The following DNAH9 variants were observed in gnomAD, a reference collection of about 807,000 sequenced individuals.
The protein encoded by DNAH9 is DNAH9 variant protein.
DNAH9 carries 345 observed loss-of-function variants against 471.6 expected under a neutral mutation model. The ratio of observed to expected loss-of-function variants is 0.73; its 90% CI spans 0.67 to 0.80. The LOEUF (loss-of-function observed/expected upper bound fraction) is 0.80. Among genes scored for constraint, DNAH9 ranks in the 30% least tolerant of loss-of-function variants. The pLI is 0.00. For missense variants in DNAH9, 5,407 were observed against 5,609.2 expected, an observed-to-expected ratio of 0.96 and a Z score of 1.15; for synonymous variants, 2,093 against 2,123.6, an observed-to-expected ratio of 0.99 and a Z score of 0.40.
In DNAH9 at chr17:11,768,548, C is replaced by A; in HGVS notation, c.7266C>A (p.Ile2422=). ...PSQGTIFDYY[I]DPETKKFEPW... ...AAGGAACCATCTTTGACTATTACATCGACCCAGAGACCAAGAAATTCGAGC... is the reference window on the plus strand; with the variant it reads ...AAGGAACCATCTTTGACTATTACATAGACCCAGAGACCAAGAAATTCGAGC... The change falls in exon 37 of 69, where the codon ATC becomes ATA. Residue 2422 remains isoleucine (I), a synonymous_variant. Coordinates refer to ENST00000262442, the MANE Select transcript of DNAH9 (RefSeq NM_001372.4). The A allele has an allele frequency of 6.2e-7, 1 of 1,614,136 alleles. No individual in the cohort carries two copies. The highest frequency in any genetic ancestry group is 8.5e-7 in the Non-Finnish European group (1 of 1,180,040).
At chr17:11,931,620 C>T (rs1974511825) in intron 63 of DNAH9, among the ~76,000 whole-genome samples, 1 of 152,120 alleles carries the variant, frequency 6.6e-6, no homozygotes, top group Admixed American at 6.5e-5. Context: ...TAAGGTTCCA[C>T]AACAGGCAAG....
chr17:11,805,523 C>CTTTTTTTTTTTTTTTT (rs773842478), intron 43 of DNAH9, among the ~76,000 whole-genome samples: 1 of 52,092 alleles, frequency 1.9e-5, no homozygotes, highest in Non-Finnish European at 3.4e-5. Context: ...TACCCGAGTT[C>CTTTTTTTTTTTTTTTT]TTTTTTTTTT....
At chr17:11,938,757 C>G (rs979428989) in intron 66 of DNAH9, among the ~76,000 whole-genome samples, 1 of 151,854 alleles carries the variant, frequency 6.6e-6, no homozygotes, top group African/African-American at 2.4e-5. Flanking sequence ...TACCACCACG[C>G]CCTGCTAATT....
intron 27 of DNAH9, among the ~76,000 whole-genome samples, chr17:11,724,833 G>T (rs8065608): frequency 0.93 from 142,272 of 152,280 alleles, 67,194 homozygotes; most frequent in Non-Finnish European, 1. Flanking sequence ...ACTTTATTTC[G>T]ATTATTATTA....
chr17:11,828,490 G>A (rs558256854), intron 48 of DNAH9, among the ~76,000 whole-genome samples: 2,006 of 97,434 alleles, frequency 0.021, 33 homozygotes, highest in Non-Finnish European at 0.034. Flanking sequence ...AAAAAAAATA[G>A]TGCCCGAACA....
At chr17:11,650,538 G>C (rs1300953295) in intron 12 of DNAH9, among the ~76,000 whole-genome samples, 1 of 152,172 alleles carries the variant, frequency 6.6e-6, no homozygotes, top group Non-Finnish European at 1.5e-5. Context: ...CAGAAGTTGT[G>C]GGATATTCCA....
intron 68 of DNAH9, among the ~76,000 whole-genome samples, chr17:11,963,489 T>C (rs1020633095): frequency 2.7e-5 from 4 of 150,188 alleles, no homozygotes; most frequent in South Asian, 4.2e-4. Context: ...ATGGGAACAA[T>C]AGACACTGGA....
intron 1 of DNAH9, among the ~76,000 whole-genome samples, chr17:11,602,154 T>A (rs1290556017): frequency 1.3e-5 from 2 of 152,174 alleles, no homozygotes; most frequent in Non-Finnish European, 2.9e-5. Flanking sequence ...GCATAAGATT[T>A]GGAATCTCAC....
intron 17 of DNAH9, among the ~76,000 whole-genome samples, chr17:11,676,875 A>G (rs993620254): frequency 1.3e-5 from 2 of 152,060 alleles, no homozygotes; most frequent in Admixed American, 1.3e-4. Context: ...TCTCATTACA[A>G]TTTAGTTCTA....
At chr17:11,714,147 T>A (rs2074919920) in intron 26 of DNAH9, among the ~76,000 whole-genome samples, 1 of 152,202 alleles carries the variant, frequency 6.6e-6, no homozygotes, top group Non-Finnish European at 1.5e-5. Context: ...TTTAGGTTAG[T>A]GCAAAGGAAA....
chr17:11,926,008 C>G (rs1974305949), intron 62 of DNAH9, among the ~76,000 whole-genome samples: 1 of 129,702 alleles, frequency 7.7e-6, no homozygotes, highest in African/African-American at 2.9e-5. Flanking sequence ...GCAATGTTTC[C>G]CAGCCTGTAA....
At chr17:11,951,835 A>C (rs1975371607) in intron 67 of DNAH9, among the ~76,000 whole-genome samples, 1 of 151,042 alleles carries the variant, frequency 6.6e-6, no homozygotes, top group Non-Finnish European at 1.5e-5. Flanking sequence ...AGGCAGGAGA[A>C]TTGCTTGAAC....
chr17:11,704,076 G>A (rs1567733759), intron 24 of DNAH9, 127 bp from the exon 25 acceptor site: 2 of 1,051,336 alleles, frequency 1.9e-6, no homozygotes, highest in Non-Finnish European at 2.9e-6. Flanking sequence ...GTCAGTGCTG[G>A]TGGAAGAGGG....
intron 49 of DNAH9, among the ~76,000 whole-genome samples, chr17:11,847,031 C>G (rs1256692334): frequency 6.6e-6 from 1 of 151,996 alleles, no homozygotes; most frequent in Non-Finnish European, 1.5e-5. Flanking sequence ...GCCAGAACTT[C>G]CAACACTATG....
rs1218656421 is a variant in DNAH9 at position 11,617,404 on chromosome 17, C to T, written c.905-7C>T. On this transcript the variant is annotated splice_region_variant and splice_polypyrimidine_tract_variant and intron_variant, in intron 4 of 68. Coordinates refer to ENST00000262442, the MANE Select transcript of DNAH9 (RefSeq NM_001372.4). ...TGGGAATGCTGACCATCTCCAATTCCTTCCAGCTCTAGCAGAGGCACAGGA... is the reference window on the plus strand; with the variant it reads ...TGGGAATGCTGACCATCTCCAATTCTTTCCAGCTCTAGCAGAGGCACAGGA... 1.2e-6 allele frequency: 2 copies of T among 1,609,574 alleles called. No homozygotes were observed. The highest frequency in any genetic ancestry group is 2.2e-5 in the East Asian group (1 of 44,828).
chr17:11,614,621 A>C (rs2072705140), intron 4 of DNAH9, among the ~76,000 whole-genome samples: 1 of 152,208 alleles, frequency 6.6e-6, no homozygotes, highest in African/African-American at 2.4e-5. Context: ...AAGAGCAGAA[A>C]TTTATTTCTC....
Position 11,635,845 on chromosome 17 carries a change from C to T in DNAH9, c.1636-789C>T, listed in dbSNP as rs75607484. On this transcript the variant is annotated intron_variant, in intron 8 of 68. Transcript: ENST00000262442. The stretch of plus-strand genomic sequence containing the variant: ...GAGAAAGGTCAGCATCACTGCCATT[C>T]TCACGGCACCTGCTCTCAGAAACTA... 3.4e-4 allele frequency among the ~76,000 whole-genome samples: 52 copies of T among 152,288 alleles called. 2 individuals are homozygous for T. The East Asian group carries it at 9.8e-3, about 29-fold the overall frequency.
chr17:11,948,488 C>T (rs1975231282), intron 67 of DNAH9, among the ~76,000 whole-genome samples: 2 of 152,178 alleles, frequency 1.3e-5, no homozygotes, highest in Admixed American at 1.3e-4. Flanking sequence ...CCTCGGCCTC[C>T]CAACGTGCTG....
chr17:11,638,077 T>G, intron 9 of DNAH9, among the ~76,000 whole-genome samples: 1 of 152,152 alleles, frequency 6.6e-6, no homozygotes. Context: ...GCTTGGGAAG[T>G]GCTCAGTGTG....
Sources: gnomAD v4.1 joint callset for allele counts (sites outside exome capture counted in the v4.1 genomes callset) on GRCh38, gnomAD v4.1.1 for gene constraint, MANE v1.5 for transcripts, NCBI Gene and HGNC (gene_info 2026-07-23, HGNC 2026-07-21) for gene names.